Variants in PTPRD observed in about 807,000 individuals in gnomAD.
PTPRD encodes protein tyrosine phosphatase receptor type D.
PTPRD carries 34 observed loss-of-function variants against 214.5 expected under a neutral mutation model. The observed-to-expected ratio is 0.16, with a 90% confidence interval of 0.12 to 0.21. The LOEUF (loss-of-function observed/expected upper bound fraction) is 0.21, where lower values mean the gene tolerates loss of function less well. Among genes scored for constraint, PTPRD ranks in the 10% least tolerant of loss-of-function variants. PTPRD has a pLI of 1.00. For missense variants in PTPRD, 2,545 were observed against 2,398.7 expected (o/e 1.06, Z -1.27); for synonymous variants, 1,128 against 845.7 (o/e 1.33, Z -5.79).
chr9:9,545,571 T>C (rs978334520), intron 8 of PTPRD, among the ~76,000 whole-genome samples: 3 of 151,930 alleles, frequency 2.0e-5, no homozygotes, highest in African/African-American at 4.8e-5. Context: ...ATTTTAAATA[T>C]CTGTGTACAG....
chr9:8,857,107 C>T (rs1438760141), intron 11 of PTPRD, among the ~76,000 whole-genome samples: 1 of 152,182 alleles, frequency 6.6e-6, no homozygotes, highest in Non-Finnish European at 1.5e-5. Context: ...GGGAAGGTCT[C>T]CCAAACAATC....
intron 11 of PTPRD, among the ~76,000 whole-genome samples, chr9:8,776,145 T>C (rs928396640): frequency 6.6e-6 from 1 of 152,234 alleles, no homozygotes; most frequent in South Asian, 2.1e-4. Context: ...TAATTATAGG[T>C]CCCAGGATGG....
rs141009167 is a variant in PTPRD, at chr9:9,248,297, T to C, written c.-202-64934A>G. 3.3e-5 allele frequency among the ~76,000 whole-genome samples: 5 copies of C among 152,176 alleles called. No homozygotes were observed. The East Asian group carries it at 5.8e-4, about 18-fold the overall frequency. On this transcript the variant is annotated intron_variant, in intron 9 of 45. Coordinates refer to ENST00000381196, the MANE Select transcript of PTPRD (RefSeq NM_002839.4). ...TTAGTAGAGATGGGGTTTCACCATG[T>C]GGGCCAGGCTAATCTTGAACTCCTG...
chr9:9,869,023 G>T (rs556699327), intron 5 of PTPRD, among the ~76,000 whole-genome samples: 1 of 152,158 alleles, frequency 6.6e-6, no homozygotes, highest in Non-Finnish European at 1.5e-5. Context: ...GGCATAATTT[G>T]AGAATATGGT....
At chr9:8,595,903 T>C (rs759903625) in intron 14 of PTPRD, among the ~76,000 whole-genome samples, 1 of 152,200 alleles carries the variant, frequency 6.6e-6, no homozygotes, top group Non-Finnish European at 1.5e-5. Context: ...TAGACACTTA[T>C]CTTAGTTACC....
intron 11 of PTPRD, among the ~76,000 whole-genome samples, chr9:8,760,746 T>C (rs73423005): frequency 0.047 from 7,081 of 152,088 alleles, 403 homozygotes; most frequent in African/African-American, 0.14. Context: ...GTCTGAAGAA[T>C]GCAATGGCCT....
chr9:10,110,263 C>G (rs1382758979), intron 3 of PTPRD, among the ~76,000 whole-genome samples: 1 of 152,158 alleles, frequency 6.6e-6, no homozygotes, highest in Non-Finnish European at 1.5e-5. Flanking sequence ...GCTCTAGTTG[C>G]ACAAACTTGG....
chr9:9,314,119 G>A (rs1046488180), intron 9 of PTPRD, among the ~76,000 whole-genome samples: 2 of 152,086 alleles, frequency 1.3e-5, no homozygotes, highest in African/African-American at 2.4e-5. Context: ...TTGTTTGAAG[G>A]TGGTGGAGAT....
At chr9:9,289,135 T>C (rs1476791317) in intron 9 of PTPRD, among the ~76,000 whole-genome samples, 1 of 151,846 alleles carries the variant, frequency 6.6e-6, no homozygotes. Flanking sequence ...ATAGTTACCC[T>C]CTAGAACACA....
rs62534666 is a variant in PTPRD, at chr9:9,581,677, T to C, written c.-286-6896A>G. ...TGTTTAGGTGTTAGAGTTTACCTTA[T>C]CAAAATCTTCTCAACGTCTTAATCA... On this transcript the variant is annotated intron_variant, in intron 7 of 45. Coordinates refer to ENST00000381196, the MANE Select transcript of PTPRD (RefSeq NM_002839.4). 5.3e-3 allele frequency among the ~76,000 whole-genome samples: 800 copies of C among 152,226 alleles called. 6 individuals carry two copies. Among genetic ancestry groups the C allele is most frequent in the Non-Finnish European group, 8.3e-3 (564 of 67,986 alleles).
intron 7 of PTPRD, among the ~76,000 whole-genome samples, chr9:9,581,687 C>A (rs1196042017): frequency 6.6e-6 from 1 of 152,104 alleles, no homozygotes; most frequent in Non-Finnish European, 1.5e-5. Flanking sequence ...TCAAAATCTT[C>A]TCAACGTCTT....
At chr9:10,491,367 G>C (rs575097123) in intron 2 of PTPRD, among the ~76,000 whole-genome samples, 1 of 152,140 alleles carries the variant, frequency 6.6e-6, no homozygotes, top group East Asian at 1.9e-4. Flanking sequence ...AGATTCTAAT[G>C]TCAAGTAAGA....
intron 5 of PTPRD, among the ~76,000 whole-genome samples, chr9:9,861,932 G>A (rs1430731837): frequency 6.6e-6 from 1 of 152,082 alleles, no homozygotes; most frequent in Non-Finnish European, 1.5e-5. Context: ...TAAAGAATTT[G>A]CCATGTGAAA....
intron 11 of PTPRD, among the ~76,000 whole-genome samples, chr9:8,754,509 A>T (rs12342012): frequency 0.05 from 7,684 of 152,270 alleles, 481 homozygotes; most frequent in African/African-American, 0.15. Flanking sequence ...ATGGAAAAAG[A>T]ATCTTTTCAA....
At chr9:9,878,632 G>A (rs1055963946) in intron 5 of PTPRD, among the ~76,000 whole-genome samples, 2 of 152,174 alleles carry the variant, frequency 1.3e-5, no homozygotes, top group Non-Finnish European at 2.9e-5. Context: ...CTGGATGAAT[G>A]ATAGAACTCT....
At position 8,618,583 on chromosome 9, in the gene PTPRD, T is replaced by C. The variant is rs371930791; in HGVS notation, c.352+14734A>G. 3.8e-4 allele frequency among the ~76,000 whole-genome samples: 58 copies of C among 152,194 alleles called. 1 individual carries two copies. In the East Asian group the frequency reaches 7.7e-3, roughly 20 times the overall value. On this transcript the variant is annotated intron_variant, in intron 14 of 45. Coordinates refer to ENST00000381196, the MANE Select transcript of PTPRD (RefSeq NM_002839.4). Reference sequence around the variant, plus strand: ...ACCAGAGGTTTCAAAGAGAAAGCCATGGAGTCATAAAACACCAAGACAACT... The same window carrying C: ...ACCAGAGGTTTCAAAGAGAAAGCCACGGAGTCATAAAACACCAAGACAACT...
At chr9:8,458,727 G>C (rs1426036601) in intron 33 of PTPRD, among the ~76,000 whole-genome samples, 2 of 152,140 alleles carry the variant, frequency 1.3e-5, no homozygotes, top group Non-Finnish European at 2.9e-5. Flanking sequence ...CTTACATGGA[G>C]AGAGGTAATA....
chr9:9,634,021 T>C lies in PTPRD; in HGVS notation c.-286-59240A>G, dbSNP rs940201037. Among the ~76,000 whole-genome samples the C allele has an allele frequency of 3.3e-5, 5 of 152,166 alleles. No individual in the cohort carries two copies. The East Asian group carries it at 7.7e-4, about 23-fold the overall frequency. ...TATCTGAATATAAATCTTTATGATATAGACAGCACATATCAGATCTTAATT... is the reference window on the plus strand; with the variant it reads ...TATCTGAATATAAATCTTTATGATACAGACAGCACATATCAGATCTTAATT... On this transcript the variant is annotated intron_variant, in intron 7 of 45. Transcript: ENST00000381196.
At chr9:10,518,436 G>A (rs1248103625) in intron 2 of PTPRD, among the ~76,000 whole-genome samples, 1 of 152,140 alleles carries the variant, frequency 6.6e-6, no homozygotes, top group Non-Finnish European at 1.5e-5. Context: ...TGGAAATTGA[G>A]TGTGAAATAA....
Sources: gnomAD v4.1 joint callset for allele counts (sites outside exome capture counted in the v4.1 genomes callset) on GRCh38, gnomAD v4.1.1 for gene constraint, MANE v1.5 for transcripts, NCBI Gene and HGNC (gene_info 2026-07-23, HGNC 2026-07-21) for gene names.